The following TRRAP variants were observed in gnomAD, a reference collection of about 807,000 sequenced individuals.
The protein encoded by TRRAP is transformation/transcription domain associated protein.
A neutral mutation model predicts 438.8 loss-of-function variants in TRRAP; 41 were observed. The ratio of observed to expected loss-of-function variants is 0.09; its 90% CI spans 0.07 to 0.12. The LOEUF (loss-of-function observed/expected upper bound fraction) is 0.12. Among genes scored for constraint, TRRAP ranks in the 10% least tolerant of loss-of-function variants. The pLI is 1.00. For synonymous variants in TRRAP, 1,994 were observed against 1,962.9 expected (o/e 1.02, Z -0.42); for missense variants, 3,122 against 5,055.1 (o/e 0.62, Z 11.60).
At chr7:98,945,862 C>T (rs1250269062) in intron 32 of TRRAP, 62 bp downstream of exon 32, 3 of 1,566,652 alleles carry the variant, frequency 1.9e-6, no homozygotes, top group Non-Finnish European at 2.6e-6. Context: ...TTTACCTTTT[C>T]TTTTCTTTTC....
At chr7:99,001,443 G>A (rs941233471) in intron 67 of TRRAP, among the ~76,000 whole-genome samples, 4 of 152,016 alleles carry the variant, frequency 2.6e-5, no homozygotes, top group African/African-American at 7.3e-5. Context: ...AAGAAATGGT[G>A]GTATTCAGCA....
intron 7 of TRRAP, among the ~76,000 whole-genome samples, chr7:98,896,445 G>C (rs1243099664): frequency 6.6e-6 from 1 of 151,958 alleles, no homozygotes; most frequent in Non-Finnish European, 1.5e-5. Context: ...CGGGGTCTCT[G>C]TCTGCCCAGG....
chr7:98,975,084 A>C (rs962748499), intron 53 of TRRAP, among the ~76,000 whole-genome samples: 2 of 152,176 alleles, frequency 1.3e-5, no homozygotes, highest in Non-Finnish European at 2.9e-5. Flanking sequence ...AGAGCCCCTG[A>C]TGGGCTGGTC....
chr7:98,905,705 G>C (rs1554407424), intron 12 of TRRAP, among the ~76,000 whole-genome samples: 1 of 152,230 alleles, frequency 6.6e-6, no homozygotes, highest in African/African-American at 2.4e-5. Flanking sequence ...ACTCATGCCT[G>C]TGAGAACATT....
At chr7:98,897,157 C>T (rs1425684212) in intron 7 of TRRAP, among the ~76,000 whole-genome samples, 2 of 152,134 alleles carry the variant, frequency 1.3e-5, no homozygotes, top group African/African-American at 4.8e-5. Context: ...ATCACTTGAA[C>T]CCGGGAGGTG....
intron 28 of TRRAP, 47 bp from the exon 29 acceptor site, chr7:98,937,109 C>T: frequency 1.3e-6 from 2 of 1,549,884 alleles, no homozygotes; most frequent in Non-Finnish European, 1.7e-6. Flanking sequence ...ATTATTTGGG[C>T]ATCTTTCCAG....
intron 64 of TRRAP, 34 bp from the exon 65 acceptor site, chr7:98,992,103 G>A: frequency 6.2e-7 from 1 of 1,601,692 alleles, no homozygotes; most frequent in Non-Finnish European, 8.6e-7. Flanking sequence ...TCAGCAGAGA[G>A]CAGCACTGTT....
intron 23 of TRRAP, among the ~76,000 whole-genome samples, chr7:98,929,625 C>T (rs900922665): frequency 3.3e-5 from 5 of 150,114 alleles, no homozygotes; most frequent in Admixed American, 1.3e-4. Context: ...TTTTTTGAGA[C>T]GGAGTCTCAC....
intron 3 of TRRAP, among the ~76,000 whole-genome samples, chr7:98,889,564 T>C (rs1443557190): frequency 7.9e-6 from 1 of 126,220 alleles, no homozygotes; most frequent in Non-Finnish European, 1.7e-5. Flanking sequence ...TTAAAAAAAA[T>C]AGAGACAGGA....
At position 99,001,391 on chromosome 7, in the gene TRRAP, G is replaced by T. The variant is rs184293733; in HGVS notation, c.10310-2799G>T. Among the ~76,000 whole-genome samples, 8 of 152,356 alleles carry T rather than the reference G, an allele frequency of 5.3e-5. No individual in the cohort carries two copies. In the East Asian group the frequency reaches 1.5e-3, roughly 29 times the overall value. On this transcript the variant is annotated intron_variant, in intron 67 of 72. Coordinates refer to ENST00000456197, the MANE Select transcript of TRRAP (RefSeq NM_001375524.1). ...GTCTTTCACCCTTCTGAGAACGGAA[G>T]AGTCCGAGATGAAAGTTTTATGGAA... is the stretch of plus-strand genomic sequence containing the variant.
At position 98,984,369 on chromosome 7, in the gene TRRAP, G is replaced by A; in HGVS notation, c.9288+11G>A. On this transcript the variant is annotated intron_variant, in intron 61 of 72. Transcript: ENST00000456197. ...AACGAGTGCATGCAGGTGCGGACAG[G>A]ACACTTGAAGAATGAGGCCAGGTGG... 2 of 1,540,026 alleles carry A rather than the reference G, an allele frequency of 1.3e-6. No individual in the cohort carries two copies. The highest frequency in any genetic ancestry group is 4.7e-5 in the East Asian group (2 of 42,960).
chr7:98,953,106 A>G, intron 39 of TRRAP, 61 bp from the exon 40 acceptor site: 3 of 1,576,028 alleles, frequency 1.9e-6, no homozygotes, highest in South Asian at 1.1e-5. Context: ...CTGTCGTATG[A>G]CCCTCAGTCA....
At chr7:98,927,862 G>T (rs930419693) in intron 23 of TRRAP, among the ~76,000 whole-genome samples, 9 of 152,080 alleles carry the variant, frequency 5.9e-5, no homozygotes, top group Non-Finnish European at 1.5e-5. Flanking sequence ...CGTTTCAGTG[G>T]CTCTCACACT....
intron 46 of TRRAP, 125 bp from the exon 47 acceptor site, chr7:98,962,177 G>T: frequency 2.1e-6 from 3 of 1,438,122 alleles, no homozygotes; most frequent in Non-Finnish European, 2.9e-6. Context: ...ACACTGTCCT[G>T]CAGGGAGAGA....
chr7:98,910,036 T>C lies in TRRAP; in HGVS notation c.1351-20T>C. 6.5e-7 allele frequency: 1 copy of C among 1,534,644 alleles called. No homozygotes were observed. The highest frequency in any genetic ancestry group is 8.8e-7 in the Non-Finnish European group (1 of 1,139,980). Reference sequence around the variant, plus strand: ...AGAAGAATAATTCTGTCTTCCCTCTTGAATTTCTCTTCCCGTTAGGTTTTC... The same window carrying C: ...AGAAGAATAATTCTGTCTTCCCTCTCGAATTTCTCTTCCCGTTAGGTTTTC... On this transcript the variant is annotated intron_variant, in intron 14 of 72. Transcript: ENST00000456197.
At chr7:98,953,506 G>C (rs1791441934) in intron 40 of TRRAP, 73 bp downstream of exon 40, 1 of 1,566,444 alleles carries the variant, frequency 6.4e-7, no homozygotes, top group Non-Finnish European at 8.6e-7. Flanking sequence ...CCCTGGTGCA[G>C]TCTCAGCCTC....
intron 67 of TRRAP, chr7:98,998,520 G>A (rs1793774920): frequency 5.3e-6 from 1 of 189,978 alleles, no homozygotes. Flanking sequence ...TCCATAGCTC[G>A]AGCAGTAGTT....
At chr7:98,919,016 AT>A (rs1789665854) in intron 20 of TRRAP, among the ~76,000 whole-genome samples, 1 of 151,580 alleles carries the variant, frequency 6.6e-6, no homozygotes, top group Non-Finnish European at 1.5e-5. Context: ...AAAGGTTGAT[AT>A]GTTAAAGTTA....
At position 98,911,351 on chromosome 7, in the gene TRRAP, G is replaced by A. The variant is rs1789257272; in HGVS notation, c.2007+80G>A. ...TTAAATACTTTTTCATTTATTTCAA[G>A]GATTTTAAAAATAATGTAGCCAAGG... On this transcript the variant is annotated intron_variant, in intron 17 of 72. Coordinates refer to ENST00000456197, the MANE Select transcript of TRRAP (RefSeq NM_001375524.1). 12 of 1,346,612 alleles carry A rather than the reference G, an allele frequency of 8.9e-6. No homozygotes were observed. In the South Asian group the frequency reaches 9.8e-5, roughly 11 times the overall value. The allele number at this position is 1,346,612 out of a possible 1,614,324, so 83.4% of individuals were successfully genotyped here.
Sources: gnomAD v4.1 joint callset for allele counts (sites outside exome capture counted in the v4.1 genomes callset) on GRCh38, gnomAD v4.1.1 for gene constraint, MANE v1.5 for transcripts, NCBI Gene and HGNC (gene_info 2026-07-23, HGNC 2026-07-21) for gene names.